The following AP4S1 variants were observed in gnomAD, a reference collection of about 807,000 sequenced individuals.
AP4S1 encodes AP-4 complex subunit sigma-1.
AP4S1 carries 23 observed loss-of-function variants against 19.8 expected under a neutral mutation model. The ratio of observed to expected loss-of-function variants is 1.16; its 90% CI spans 0.84 to 1.65. The LOEUF (loss-of-function observed/expected upper bound fraction) is 1.65. AP4S1 is among the 40% of genes most tolerant of loss of function. AP4S1 has a pLI of 0.00. For missense variants in AP4S1, 166 were observed against 172.8 expected, an observed-to-expected ratio of 0.96 and a Z score of 0.22; for synonymous variants, 46 against 54.1, an observed-to-expected ratio of 0.85 and a Z score of 0.66.
At position 31,093,102 on chromosome 14, in the gene AP4S1, T is replaced by TTAAC; in HGVS notation, c.*67_*68insTAAC. ...GAGTACCGTGGAATACATCTCAACA[T>TTAAC]GTTAACCCAGAAGAATCTGGAAGAC... On this transcript the variant is annotated 3_prime_UTR_variant, in exon 6 of 6. Coordinates refer to ENST00000542754, the MANE Select transcript of AP4S1 (RefSeq NM_001128126.3). 1 of 1,473,168 alleles carries TTAAC rather than the reference T, an allele frequency of 6.8e-7. No individual in the cohort carries two copies. The highest frequency in any genetic ancestry group is 9.0e-7 in the Non-Finnish European group (1 of 1,105,374). The allele number at this position is 1,473,168 out of a possible 1,614,324, so 91.3% of individuals were successfully genotyped here.
At chr14:31,084,759 T>G in intron 5 of AP4S1, 1 of 1,611,802 alleles carries the variant, frequency 6.2e-7, no homozygotes, top group Non-Finnish European at 8.5e-7. Context: ...AATTAAGGTG[T>G]TTTTTTTAGG....
At chr14:31,088,437 A>T (rs1887980640) in intron 5 of AP4S1, among the ~76,000 whole-genome samples, 3 of 152,180 alleles carry the variant, frequency 2.0e-5, no homozygotes, top group Admixed American at 2.0e-4. Flanking sequence ...AAGCCTACAT[A>T]AACTTTAAGC....
intron 1 of AP4S1, among the ~76,000 whole-genome samples, chr14:31,039,151 A>C (rs1884948827): frequency 6.6e-6 from 1 of 151,940 alleles, no homozygotes; most frequent in Non-Finnish European, 1.5e-5. Context: ...TACAGATAAG[A>C]GCCATGGAGC....
intron 2 of AP4S1, among the ~76,000 whole-genome samples, chr14:31,068,108 GCCACC>G (rs1886822524): frequency 6.6e-6 from 1 of 150,642 alleles, no homozygotes; most frequent in African/African-American, 2.4e-5. Context: ...CCTCAGGTGA[GCCACC>G]CGCCTTGGCC....
At chr14:31,074,919 G>A (rs958020673) in intron 4 of AP4S1, among the ~76,000 whole-genome samples, 2 of 151,840 alleles carry the variant, frequency 1.3e-5, no homozygotes, top group Admixed American at 6.6e-5. Context: ...AAGAGATGTA[G>A]ATATTTTCAG....
chr14:31,049,810 C>T, intron 1 of AP4S1, among the ~76,000 whole-genome samples: 1 of 151,924 alleles, frequency 6.6e-6, no homozygotes, highest in East Asian at 1.9e-4. Context: ...TCATGTTGCC[C>T]AGTCTGATCT....
intron 5 of AP4S1, among the ~76,000 whole-genome samples, chr14:31,090,440 T>TA (rs1888047045): frequency 6.6e-6 from 1 of 152,202 alleles, no homozygotes; most frequent in Admixed American, 6.5e-5. Context: ...ACTCCGCTCT[T>TA]TGGGAGATTG....
At chr14:31,069,469 T>C (rs1432958414) in intron 2 of AP4S1, among the ~76,000 whole-genome samples, 1 of 152,194 alleles carries the variant, frequency 6.6e-6, no homozygotes, top group East Asian at 1.9e-4. Flanking sequence ...AAAAAAATCT[T>C]GGGGAGGTGA....
At position 31,027,598 on chromosome 14, in the gene AP4S1, G is replaced by T. The variant is rs190680746; in HGVS notation, c.-72+1811G>T. Reference sequence around the variant, plus strand: ...AATTGCTTGAGCCCAGGAGGCTGAGGTTGCAGAGAGCCGAGATCGCACCAC... The same window carrying T: ...AATTGCTTGAGCCCAGGAGGCTGAGTTTGCAGAGAGCCGAGATCGCACCAC... On this transcript the variant is annotated intron_variant, in intron 1 of 5. Transcript: ENST00000542754. 1.1e-3 allele frequency among the ~76,000 whole-genome samples: 174 copies of T among 152,330 alleles called. No homozygotes were observed. In the Middle Eastern group the frequency reaches 0.014, roughly 12 times the overall value.
At chr14:31,055,020 C>T (rs1413021138) in intron 1 of AP4S1, among the ~76,000 whole-genome samples, 2 of 151,114 alleles carry the variant, frequency 1.3e-5, no homozygotes, top group Non-Finnish European at 2.9e-5. Context: ...AGACAAATCC[C>T]AATCAGGGGA....
intron 1 of AP4S1, among the ~76,000 whole-genome samples, chr14:31,060,102 A>G (rs1886353532): frequency 6.7e-6 from 1 of 150,252 alleles, no homozygotes; most frequent in African/African-American, 2.4e-5. Flanking sequence ...TCCAAGTATT[A>G]TATCATAATG....
chr14:31,053,598 T>A (rs933563111), intron 1 of AP4S1, among the ~76,000 whole-genome samples: 6 of 128,412 alleles, frequency 4.7e-5, no homozygotes, highest in African/African-American at 1.9e-4. Context: ...TCTTTTTTTT[T>A]TTTTTTTTTT....
intron 1 of AP4S1, among the ~76,000 whole-genome samples, chr14:31,062,161 C>A (rs1886473770): frequency 6.6e-6 from 1 of 152,040 alleles, no homozygotes; most frequent in Non-Finnish European, 1.5e-5. Context: ...TACAATGGCA[C>A]AATCTTGGCT....
chr14:31,089,585 A>AT (rs1423529335), intron 5 of AP4S1, among the ~76,000 whole-genome samples: 7 of 152,344 alleles, frequency 4.6e-5, no homozygotes, highest in African/African-American at 1.7e-4. Context: ...TAAAATACTC[A>AT]TGATGGAAAA....
intron 1 of AP4S1, among the ~76,000 whole-genome samples, chr14:31,027,591 G>T (rs1884095346): frequency 6.6e-6 from 1 of 152,200 alleles, no homozygotes; most frequent in Non-Finnish European, 1.5e-5. Flanking sequence ...GAGCCCAGGA[G>T]GCTGAGGTTG....
intron 5 of AP4S1, among the ~76,000 whole-genome samples, chr14:31,092,544 C>A (rs573291684): frequency 1.3e-5 from 2 of 152,068 alleles, no homozygotes; most frequent in South Asian, 4.2e-4. Flanking sequence ...ATCGTTGCTA[C>A]TGTTACTATT....
chr14:31,092,228 G>A (rs551773211), intron 5 of AP4S1, among the ~76,000 whole-genome samples: 2 of 152,196 alleles, frequency 1.3e-5, no homozygotes, highest in African/African-American at 4.8e-5. Flanking sequence ...TCTCCTCATA[G>A]TTATTTTTAC....
intron 1 of AP4S1, among the ~76,000 whole-genome samples, chr14:31,061,949 A>G (rs1251861346): frequency 6.6e-6 from 1 of 151,500 alleles, no homozygotes; most frequent in Non-Finnish European, 1.5e-5. Flanking sequence ...TGGCTGTAAA[A>G]TCGCATTTTT....
chr14:31,025,624 C>T, upstream of AP4S1: 1 of 504,298 alleles, frequency 2.0e-6, no homozygotes, highest in South Asian at 2.2e-5. Flanking sequence ...AAGGCCGCCT[C>T]CGGAGGAGCC....
Sources: gnomAD v4.1 joint callset for allele counts (sites outside exome capture counted in the v4.1 genomes callset) on GRCh38, gnomAD v4.1.1 for gene constraint, MANE v1.5 for transcripts, NCBI Gene and HGNC (gene_info 2026-07-23, HGNC 2026-07-21) for gene names.